Variants in NKPD1 observed in about 807,000 individuals in gnomAD.
The protein encoded by NKPD1 is NTPase KAP family P-loop domain containing 1.
A neutral mutation model predicts 42.2 loss-of-function variants in NKPD1; 37 were observed. That is an observed-to-expected ratio of 0.88 (90% confidence interval 0.67 to 1.15). The LOEUF is 1.15. NKPD1 is among the 50% of genes most tolerant of loss of function. The pLI, the probability that NKPD1 is intolerant of heterozygous loss-of-function variation, is 0.00. For synonymous variants in NKPD1, 552 were observed against 536.5 expected (o/e 1.03, Z -0.40); for missense variants, 1,113 against 1,174.6 (o/e 0.95, Z 0.77).
chr19:45,152,435 T>C lies in NKPD1; in HGVS notation c.2002A>G (p.Ser668Gly). 1 of 1,562,238 alleles carries C rather than the reference T, an allele frequency of 6.4e-7. No individual in the cohort carries two copies. The highest frequency in any genetic ancestry group is 8.6e-7 in the Non-Finnish European group (1 of 1,157,404). Residue 668 changes from serine (S) to glycine (G), a missense_variant, in exon 5 of 5, where the codon AGC (serine) becomes GGC (glycine). Ser to Gly is a moderately conservative substitution (Grantham distance 56). Coordinates refer to ENST00000686631, the MANE Select transcript of NKPD1 (RefSeq NM_198478.4). The stretch of plus-strand genomic sequence containing the variant: ...TCCTCCAGGCACTGCAGCGCCCAGC[T>C]CAGGCGGCACGGCCACTGGTTGGCG... ...VLANQWPCRL[S>G]WALQCLEDRQ...
chr19:45,152,716 A>G lies in NKPD1; in HGVS notation c.1721T>C (p.Leu574Pro). 6.4e-7 allele frequency: 1 copy of G among 1,568,562 alleles called. No homozygotes were observed. Among genetic ancestry groups the G allele is most frequent in the Non-Finnish European group, 8.6e-7 (1 of 1,161,828 alleles). ...GDAGGESAQL[L>P]AVQAQAGTER... is the part of the protein sequence containing the mutation. ...CGTCCCCGCCTGCGCCTGCACCGCCAGCAGCTGCGCGCTCTCGCCCCCGGC... is the reference window on the plus strand; with the variant it reads ...CGTCCCCGCCTGCGCCTGCACCGCCGGCAGCTGCGCGCTCTCGCCCCCGGC... Residue 574 changes from leucine (L) to proline (P), a missense_variant, in exon 5 of 5, where the codon CTG (leucine) becomes CCG (proline). Physicochemically the swap from Leu to Pro is moderately conservative, Grantham distance 98. Around this residue, in one of 3 missense-constraint regions of NKPD1, gnomAD observed 867 missense variants for 870.1 expected, o/e 1.00. Transcript: ENST00000686631.
rs1968960503 is a variant in NKPD1 at position 45,159,103 on chromosome 19, G to C, written c.92-3C>G. 7.8e-7 allele frequency: 1 copy of C among 1,276,590 alleles called. No homozygotes were observed. The highest frequency in any genetic ancestry group is 1.3e-5 in the South Asian group (1 of 78,032). The allele number at this position is 1,276,590 out of a possible 1,614,324, so 79.1% of individuals were successfully genotyped here. ...CTGGCGCCACTGATGACAGCATCCT[G>C]GAAGGAAGGAAGTGGGGGTGACTGG... On this transcript the variant is annotated splice_polypyrimidine_tract_variant and splice_region_variant and intron_variant, in intron 2 of 4. Coordinates refer to ENST00000686631, the MANE Select transcript of NKPD1 (RefSeq NM_198478.4).
intron 3 of NKPD1, among the ~76,000 whole-genome samples, chr19:45,157,392 T>G (rs534417534): frequency 6.6e-6 from 1 of 152,306 alleles, no homozygotes; most frequent in South Asian, 2.1e-4. Context: ...CTGCTTTATT[T>G]TTACCTAGTG....
At chr19:45,157,256 G>A (rs1968920483) in intron 3 of NKPD1, among the ~76,000 whole-genome samples, 1 of 152,244 alleles carries the variant, frequency 6.6e-6, no homozygotes, top group South Asian at 2.1e-4. Context: ...AAAAGCCGAA[G>A]TACTGGCTCC....
chr19:45,155,780 C>A lies in NKPD1; in HGVS notation c.661+5G>T, dbSNP rs984377031. 1.8e-5 allele frequency: 24 copies of A among 1,301,266 alleles called. No homozygotes were observed. The highest frequency in any genetic ancestry group is 2.3e-5 in the Non-Finnish European group (23 of 985,656). The allele number at this position is 1,301,266 out of a possible 1,614,324, so 80.6% of individuals were successfully genotyped here. On this transcript the variant is annotated splice_donor_5th_base_variant and intron_variant, in intron 4 of 4. Coordinates refer to ENST00000686631, the MANE Select transcript of NKPD1 (RefSeq NM_198478.4). The stretch of plus-strand genomic sequence containing the variant: ...TCCCCCCAACAAACACACACAGCTC[C>A]TCACCCGTGATCTTGTCCAGCATCA...
At chr19:45,157,961 G>C (rs1430051516) in intron 3 of NKPD1, among the ~76,000 whole-genome samples, 3 of 151,984 alleles carry the variant, frequency 2.0e-5, no homozygotes, top group Non-Finnish European at 2.9e-5. Context: ...CTGACCTCAG[G>C]TGATCCACCA....
chr19:45,156,212 G>T (rs1819392435), intron 3 of NKPD1, among the ~76,000 whole-genome samples: 1 of 152,218 alleles, frequency 6.6e-6, no homozygotes, highest in South Asian at 2.1e-4. Context: ...CACCAGGCTT[G>T]CTTGGTCACT....
At chr19:45,156,058 G>T in intron 3 of NKPD1, 142 bp from the exon 4 acceptor site, 3 of 752,398 alleles carry the variant, frequency 4.0e-6, no homozygotes, top group Non-Finnish European at 1.9e-6. Context: ...TGCAGTGGAG[G>T]TTTCTGTGGC....
At position 45,160,055 on chromosome 19, in the gene NKPD1, C is replaced by T. The variant is rs759584598; in HGVS notation, c.91+5G>A. On this transcript the variant is annotated splice_donor_5th_base_variant and intron_variant, in intron 2 of 4. Transcript: ENST00000686631. ...CCATCACCCGCCCCCAAACTGAACC[C>T]GTACCTTTTCGGTGCCCCAACTCTG... 2.3e-6 allele frequency: 3 copies of T among 1,302,272 alleles called. No homozygotes were observed. The highest frequency in any genetic ancestry group is 1.2e-5 in the South Asian group (1 of 80,682). The allele number at this position is 1,302,272 out of a possible 1,614,324, so 80.7% of individuals were successfully genotyped here. A position where few individuals can be genotyped will look rare whatever the true frequency, so the allele number is the denominator to read the frequency against.
Position 45,153,321 on chromosome 19 carries a change from C to G in NKPD1, c.1116G>C (p.Pro372=). Residue 372 remains proline, a synonymous_variant, in exon 5 of 5, where the codon CCG becomes CCC. Transcript: ENST00000686631. ...CAAACACCTTGAGCAGGCTGCCGCT[C>G]GGGCTGCCGTGGCCCAGCGCGTGGC... ...LGGHALGHGS[P]SGSLLKVFGG... 21 of 1,572,024 alleles carry G rather than the reference C, an allele frequency of 1.3e-5. No homozygotes were observed. The highest frequency in any genetic ancestry group is 1.8e-5 in the Non-Finnish European group (21 of 1,160,322).
In NKPD1 at chr19:45,152,440, C is replaced by T. The variant is rs769998673; in HGVS notation, c.1997G>A (p.Arg666His). The T allele has an allele frequency of 1.3e-6, 2 of 1,559,402 alleles. No homozygotes were observed. The highest frequency in any genetic ancestry group is 1.4e-5 in the African/African-American group (1 of 72,170). The change falls in exon 5 of 5, where the codon CGC (arginine) becomes CAC (histidine). Residue 666 changes from arginine (R) to histidine (H), a missense_variant. Arg to His is a conservative substitution (Grantham distance 29). Transcript: ENST00000686631. Reference sequence around the variant, plus strand: ...CAGGCACTGCAGCGCCCAGCTCAGGCGGCACGGCCACTGGTTGGCGAGCAC... The same window carrying T: ...CAGGCACTGCAGCGCCCAGCTCAGGTGGCACGGCCACTGGTTGGCGAGCAC... ...WVVLANQWPC[R>H]LSWALQCLED...
Position 45,153,345 on chromosome 19 carries a change from G to A in NKPD1, c.1092C>T (p.Gly364=). ...TCGGGCTGCCGTGGCCCAGCGCGTG[G>A]CCGCCCAGTGACAAGTAGAGCAGCC... The part of the protein sequence containing the change: ...GVGLLYLSLG[G]HALGHGSPSG... Residue 364 remains glycine (G), a synonymous_variant, in exon 5 of 5, where the codon GGC becomes GGT. Coordinates refer to ENST00000686631, the MANE Select transcript of NKPD1 (RefSeq NM_198478.4). 6.4e-7 allele frequency: 1 copy of A among 1,568,488 alleles called. No individual in the cohort carries two copies. Among genetic ancestry groups the A allele is most frequent in the Non-Finnish European group, 8.6e-7 (1 of 1,159,326 alleles).
In NKPD1 at chr19:45,153,576, C is replaced by T. The variant is rs769735527; in HGVS notation, c.861G>A (p.Ala287=). The T allele has an allele frequency of 7.7e-6, 12 of 1,559,388 alleles. No individual in the cohort carries two copies. In the South Asian group the frequency reaches 1.3e-4, roughly 17 times the overall value. ...LFIRFSAWQY[A]GTDKLWAGLV... ...GGCCGGCCCACAGCTTGTCGGTGCC[C>T]GCGTACTGCCAGGCGCTAAAGCGGA... Residue 287 remains alanine (A), a synonymous_variant, in exon 5 of 5, where the codon GCG becomes GCA. Transcript: ENST00000686631.
Position 45,151,600 on chromosome 19 carries a change from C to T in NKPD1, c.*338G>A. The stretch of plus-strand genomic sequence containing the variant: ...AGCATGGTGCAGAGGAGTAAGTGGG[C>T]TTAGCAGGATGGGGCAGGCCCTGTG... On this transcript the variant is annotated 3_prime_UTR_variant, in exon 5 of 5. Transcript: ENST00000686631. 3.8e-6 allele frequency: 1 copy of T among 266,450 alleles called. No individual in the cohort carries two copies. Among genetic ancestry groups the T allele is most frequent in the Non-Finnish European group, 7.0e-6 (1 of 142,152 alleles). 16.5% of individuals were successfully genotyped at this position (266,450 alleles called of 1,614,324 possible). A position where few individuals can be genotyped will look rare whatever the true frequency, so the allele number is the denominator to read the frequency against.
intron 4 of NKPD1, 54 bp downstream of exon 4, chr19:45,155,731 G>T: frequency 7.9e-7 from 1 of 1,268,218 alleles, no homozygotes; most frequent in Non-Finnish European, 1.0e-6. Flanking sequence ...GCTGGGCGGG[G>T]ACCAGAGGCC....
chr19:45,154,898 A>C (rs150395023), intron 4 of NKPD1, among the ~76,000 whole-genome samples: 13,468 of 151,814 alleles, frequency 0.089, 852 homozygotes, highest in Non-Finnish European at 0.13. Context: ...GGTGGTGGGC[A>C]CCTGTAGTCC....
chr19:45,152,888 G>A lies in NKPD1; in HGVS notation c.1549C>T (p.Leu517Phe). The A allele has an allele frequency of 2.0e-5, 31 of 1,585,468 alleles. No individual in the cohort carries two copies. The highest frequency in any genetic ancestry group is 2.7e-5 in the Non-Finnish European group (31 of 1,163,252). Residue 517 changes from leucine (L) to phenylalanine (F), a missense_variant, in exon 5 of 5, where the codon CTC becomes TTC. Physicochemically the swap from Leu to Phe is conservative, Grantham distance 22 (BLOSUM62 0). This residue lies in a region of NKPD1 where 867 missense variants were observed against 870.1 expected (regional missense o/e 1.00). Coordinates refer to ENST00000686631, the MANE Select transcript of NKPD1 (RefSeq NM_198478.4). ...AGCGTGACAGTGCGGTTGAGGAAGA[G>A]GTAGCCGTTATCGGCCGTGCCCTTC... ...NMKGTADNGY[L>F]FLNRTVTLPF... is the part of the protein sequence containing the mutation.
At position 45,156,027 on chromosome 19, in the gene NKPD1, A is replaced by C. The variant is rs550734811; in HGVS notation, c.530-111T>G. The C allele has an allele frequency of 5.6e-6, 6 of 1,063,532 alleles. No homozygotes were observed. The African/African-American group carries it at 9.8e-5, about 17-fold the overall frequency. The allele number at this position is 1,063,532 out of a possible 1,614,324, so 65.9% of individuals were successfully genotyped here. A position where few individuals can be genotyped will look rare whatever the true frequency, so the allele number is the denominator to read the frequency against. On this transcript the variant is annotated intron_variant, in intron 3 of 4. Coordinates refer to ENST00000686631, the MANE Select transcript of NKPD1 (RefSeq NM_198478.4). ...CAGCCCCTTCCTGGCACCCTGTGCA[A>C]AGGGGACTCAGGTCAAACCCTGCAG... is the stretch of plus-strand genomic sequence containing the variant.
chr19:45,152,982 C>G lies in NKPD1; in HGVS notation c.1455G>C (p.Ala485=). The change falls in exon 5 of 5, where the codon GCG becomes GCC. Residue 485 remains alanine (A), a synonymous_variant. Coordinates refer to ENST00000686631, the MANE Select transcript of NKPD1 (RefSeq NM_198478.4). ...AINTLLSDSH[A]PFIFILVVDP... ...CCACGACCAGGATGAAGATGAAGGG[C>G]GCGTGGCTGTCGGACAGCAGCGTGT... The G allele has an allele frequency of 2.5e-6, 4 of 1,585,096 alleles. No individual in the cohort carries two copies. Among genetic ancestry groups the G allele is most frequent in the Non-Finnish European group, 3.4e-6 (4 of 1,164,852 alleles).
Sources: gnomAD v4.1 joint callset for allele counts (sites outside exome capture counted in the v4.1 genomes callset) on GRCh38, gnomAD v4.1.1 for gene constraint, gnomAD v4.1.1 regional missense constraint, MANE v1.5 for transcripts, NCBI Gene and HGNC (gene_info 2026-07-23, HGNC 2026-07-21) for gene names.